FAS: variants seen among roughly 807,000 people sequenced by gnomAD.
FAS encodes tumor necrosis factor receptor superfamily member 6.
FAS carries 5 observed loss-of-function variants against 33.2 expected under a neutral mutation model. That is an observed-to-expected ratio of 0.15 (90% CI 0.08 to 0.32). The LOEUF (loss-of-function observed/expected upper bound fraction) is 0.32. Ranked by LOEUF, FAS falls within the 10% of genes least tolerant of loss-of-function variation. FAS has a pLI of 1.00. For missense variants in FAS, 339 were observed against 386.0 expected, an observed-to-expected ratio of 0.88 and a Z score of 1.02; for synonymous variants, 131 against 130.7, an observed-to-expected ratio of 1.00 and a Z score of -0.01.
intron 2 of FAS, among the ~76,000 whole-genome samples, chr10:89,005,802 T>A (rs1196040747): frequency 6.6e-6 from 1 of 152,066 alleles, no homozygotes; most frequent in African/African-American, 2.4e-5. Flanking sequence ...AACACCGGGA[T>A]AATTTTTTGT....
intron 3 of FAS, among the ~76,000 whole-genome samples, chr10:89,008,131 G>A (rs553677519): frequency 3.5e-4 from 53 of 152,212 alleles, no homozygotes; most frequent in African/African-American, 1.3e-3. Context: ...TTCTGGCCTT[G>A]ACTTACGCTT....
In FAS at chr10:89,010,617, G is replaced by A. The variant is rs767973417; in HGVS notation, c.505+17G>A. 1.3e-4 allele frequency: 204 copies of A among 1,612,460 alleles called. No individual in the cohort carries two copies. The highest frequency in any genetic ancestry group is 1.6e-4 in the Non-Finnish European group (194 of 1,178,924). On this transcript the variant is annotated intron_variant, in intron 5 of 8. Transcript: ENST00000652046. Reference sequence around the variant, plus strand: ...AAGAGGAAGGTAATTATTTTTTTACGGTTATATTCTCCTTTCCCCCAACCC... The same window carrying A: ...AAGAGGAAGGTAATTATTTTTTTACAGTTATATTCTCCTTTCCCCCAACCC...
At chr10:89,007,467 A>T (rs1490804920) in intron 2 of FAS, among the ~76,000 whole-genome samples, 2 of 151,822 alleles carry the variant, frequency 1.3e-5, no homozygotes, top group African/African-American at 4.8e-5. Context: ...GTTGCTAATC[A>T]TCCTATTTCT....
chr10:89,002,889 A>G (rs1233471366), intron 1 of FAS, 140 bp from the exon 2 acceptor site: 2 of 877,070 alleles, frequency 2.3e-6, no homozygotes, highest in East Asian at 2.6e-5. Context: ...TTGGAGAGAG[A>G]AATCTGAAAG....
chr10:89,000,871 A>T (rs912598095), intron 1 of FAS, among the ~76,000 whole-genome samples: 3 of 151,798 alleles, frequency 2.0e-5, no homozygotes, highest in African/African-American at 7.3e-5. Flanking sequence ...ACGTGGTGAA[A>T]TGCCGTCTCT....
chr10:89,008,148 T>C (rs1009799865), intron 3 of FAS, among the ~76,000 whole-genome samples: 1 of 152,156 alleles, frequency 6.6e-6, no homozygotes, highest in South Asian at 2.1e-4. Flanking sequence ...GCTTATATAA[T>C]GGTGCTCGTT....
chr10:88,991,445 G>A (rs1564671428), intron 1 of FAS: 1 of 202,110 alleles, frequency 4.9e-6, no homozygotes, highest in African/African-American at 2.4e-5. Context: ...CTCAGACGTA[G>A]GAAATAAGTC....
chr10:88,985,084 C>T (rs1386689061), upstream of FAS, among the ~76,000 whole-genome samples: 3 of 152,080 alleles, frequency 2.0e-5, no homozygotes, highest in East Asian at 5.8e-4. Flanking sequence ...CAAATTGCTA[C>T]AACAAAATAA....
upstream of FAS, chr10:88,989,403 G>T (rs529031667): frequency 2.3e-6 from 1 of 426,564 alleles, no homozygotes; most frequent in Non-Finnish European, 4.7e-6. Flanking sequence ...CAAAAAATTT[G>T]CAGAGATAAT....
intron 3 of FAS, 41 bp downstream of exon 3, chr10:89,007,878 A>C: frequency 6.2e-7 from 1 of 1,612,652 alleles, no homozygotes; most frequent in Non-Finnish European, 8.5e-7. Flanking sequence ...CCAATCTTGG[A>C]ATTTCATGTA....
At chr10:88,967,220 T>C (rs1846334532) in intron 1 of FAS, among the ~76,000 whole-genome samples, 1 of 152,186 alleles carries the variant, frequency 6.6e-6, no homozygotes, top group Non-Finnish European at 1.5e-5. Context: ...TCCCAGTTCT[T>C]TAAACCTGAT....
At chr10:88,982,644 T>C (rs760118956), upstream of FAS, among the ~76,000 whole-genome samples, 1 of 152,216 alleles carries the variant, frequency 6.6e-6, no homozygotes, top group Non-Finnish European at 1.5e-5. Context: ...GCTCAGTGTC[T>C]TTGAAAATGA....
At chr10:88,964,051 AT>A (rs902674901) in intron 1 of FAS, among the ~76,000 whole-genome samples, 2 of 151,254 alleles carry the variant, frequency 1.3e-5, no homozygotes, top group Non-Finnish European at 3.0e-5. Flanking sequence ...ATGTTTTTAT[AT>A]TTTTTTATTT....
At chr10:89,010,857 G>C (rs748321249) in intron 6 of FAS, 42 bp downstream of exon 6, 2 of 1,606,934 alleles carry the variant, frequency 1.2e-6, no homozygotes, top group South Asian at 1.1e-5. Flanking sequence ...GAAATAACTT[G>C]GGAAGTAGTT....
In FAS at chr10:89,014,110, A is replaced by G. The variant is rs761461217; in HGVS notation, c.677-9A>G. 6.2e-7 allele frequency: 1 copy of G among 1,612,458 alleles called. No individual in the cohort carries two copies. The highest frequency in any genetic ancestry group is 8.5e-7 in the Non-Finnish European group (1 of 1,179,640). On this transcript the variant is annotated splice_polypyrimidine_tract_variant and intron_variant, in intron 8 of 8. Coordinates refer to ENST00000652046, the MANE Select transcript of FAS (RefSeq NM_000043.6). ...AAAACAAATTTTCAGACTATTTTCTATTTTTCAGATGTTGACTTGAGTAAA... is the reference window on the plus strand; with the variant it reads ...AAAACAAATTTTCAGACTATTTTCTGTTTTTCAGATGTTGACTTGAGTAAA...
chr10:89,010,492 A>G (rs1848470180), intron 4 of FAS, 47 bp from the exon 5 acceptor site: 6 of 1,519,006 alleles, frequency 3.9e-6, no homozygotes, highest in Non-Finnish European at 5.5e-6. Flanking sequence ...ATTATAAAGG[A>G]ATTATTCTGC....
chr10:89,001,000 C>T (rs1847894141), intron 1 of FAS, among the ~76,000 whole-genome samples: 1 of 152,232 alleles, frequency 6.6e-6, no homozygotes, highest in African/African-American at 2.4e-5. Flanking sequence ...GAGCCAAGAT[C>T]TAGATTGTGC....
intron 1 of FAS, among the ~76,000 whole-genome samples, chr10:88,999,382 C>G: frequency 6.6e-6 from 1 of 152,070 alleles, no homozygotes; most frequent in East Asian, 1.9e-4. Flanking sequence ...TTTGAGATGT[C>G]TAACTTTCAG....
intron 2 of FAS, chr10:88,974,544 G>T (rs1157695457): frequency 6.6e-6 from 1 of 152,100 alleles, no homozygotes; most frequent in African/African-American, 2.4e-5. Context: ...TAGTAACAAG[G>T]TCTCACTATA....
Sources: gnomAD v4.1 joint callset for allele counts (sites outside exome capture counted in the v4.1 genomes callset) on GRCh38, gnomAD v4.1.1 for gene constraint, MANE v1.5 for transcripts, NCBI Gene and HGNC (gene_info 2026-07-23, HGNC 2026-07-21) for gene names.